Variants in CNTNAP5 observed in about 807,000 individuals in gnomAD.
CNTNAP5 encodes contactin-associated protein-like 5.
Under a neutral mutation model 150.2 loss-of-function variants are expected in CNTNAP5, and 72 were observed. The ratio of observed to expected loss-of-function variants is 0.48; its 90% confidence interval spans 0.40 to 0.58. CNTNAP5 has a LOEUF of 0.58. Among genes scored for constraint, CNTNAP5 ranks in the 20% least tolerant of loss-of-function variants. The probability of loss-of-function intolerance (pLI) is 0.00; values close to 1 mark genes in which losing one functional copy is unlikely to be tolerated. For missense variants in CNTNAP5, 1,636 were observed against 1,626.2 expected, an observed-to-expected ratio of 1.01 and a Z score of -0.10; for synonymous variants, 672 against 619.8, an observed-to-expected ratio of 1.08 and a Z score of -1.25.
At chr2:124,413,624 C>T (rs1435776280) in intron 3 of CNTNAP5, among the ~76,000 whole-genome samples, 8 of 112,706 alleles carry the variant, frequency 7.1e-5, no homozygotes, top group Admixed American at 2.9e-4. Flanking sequence ...AGTAAACTAT[C>T]GCAAGAACAA....
intron 1 of CNTNAP5, among the ~76,000 whole-genome samples, chr2:124,089,143 T>C (rs775331539): frequency 6.6e-6 from 1 of 152,190 alleles, no homozygotes. Context: ...CAATCAGCTT[T>C]GTTCTCTACA....
intron 3 of CNTNAP5, among the ~76,000 whole-genome samples, chr2:124,334,690 G>A (rs1209081598): frequency 1.3e-5 from 2 of 152,086 alleles, no homozygotes; most frequent in African/African-American, 4.8e-5. Flanking sequence ...TTTTGTTTTA[G>A]GTCAGATTTT....
chr2:124,163,606 A>G (rs1684739961), intron 1 of CNTNAP5, among the ~76,000 whole-genome samples: 1 of 152,114 alleles, frequency 6.6e-6, no homozygotes, highest in African/African-American at 2.4e-5. Context: ...TACAAGCAAC[A>G]CTGGCTTTGC....
chr2:124,647,034 T>C (rs1678216966), intron 12 of CNTNAP5, among the ~76,000 whole-genome samples: 1 of 152,204 alleles, frequency 6.6e-6, no homozygotes, highest in Non-Finnish European at 1.5e-5. Context: ...TCTTGGCAGA[T>C]ACAGGCTTCA....
At chr2:124,713,351 C>CTTTCTTTA (rs1679875155) in intron 13 of CNTNAP5, among the ~76,000 whole-genome samples, 1 of 121,438 alleles carries the variant, frequency 8.2e-6, no homozygotes, top group African/African-American at 3.1e-5. Context: ...TTCTTTCTTT[C>CTTTCTTTA]TTTCTTTCTT....
chr2:124,554,081 T>C (rs567608708), intron 10 of CNTNAP5, among the ~76,000 whole-genome samples: 1 of 152,300 alleles, frequency 6.6e-6, no homozygotes, highest in East Asian at 1.9e-4. Flanking sequence ...AAATCCTTGT[T>C]CTTTAAGTTT....
intron 1 of CNTNAP5, among the ~76,000 whole-genome samples, chr2:124,111,278 T>C (rs1346370101): frequency 2.0e-5 from 3 of 152,110 alleles, no homozygotes; most frequent in Admixed American, 2.0e-4. Flanking sequence ...CCAAGACTGC[T>C]GGAAGTCCAT....
chr2:124,499,008 G>A (rs1694214799), intron 7 of CNTNAP5, among the ~76,000 whole-genome samples: 1 of 152,132 alleles, frequency 6.6e-6, no homozygotes, highest in South Asian at 2.1e-4. Flanking sequence ...ACCCAGAAAA[G>A]CATCAGATCT....
intron 1 of CNTNAP5, among the ~76,000 whole-genome samples, chr2:124,161,989 A>C (rs1469533172): frequency 3.3e-5 from 5 of 152,190 alleles, no homozygotes; most frequent in African/African-American, 1.2e-4. Flanking sequence ...AAATAATAAA[A>C]GGAAAAAAGG....
chr2:124,578,003 C>G (rs1696328666), intron 11 of CNTNAP5, among the ~76,000 whole-genome samples: 1 of 151,982 alleles, frequency 6.6e-6, no homozygotes, highest in African/African-American at 2.4e-5. Flanking sequence ...CATTGTTATC[C>G]TGAATTGACC....
intron 3 of CNTNAP5, among the ~76,000 whole-genome samples, chr2:124,353,456 T>C (rs879625630): frequency 1.3e-5 from 2 of 152,080 alleles, no homozygotes; most frequent in Non-Finnish European, 2.9e-5. Context: ...GAATCACACA[T>C]GCTCTGCAAA....
At chr2:124,536,752 G>T (rs1448017776) in intron 10 of CNTNAP5, among the ~76,000 whole-genome samples, 1 of 152,102 alleles carries the variant, frequency 6.6e-6, no homozygotes, top group African/African-American at 2.4e-5. Flanking sequence ...GGAACTTGAA[G>T]AGCAGGTTGG....
intron 3 of CNTNAP5, among the ~76,000 whole-genome samples, chr2:124,365,497 C>G (rs1034141161): frequency 6.6e-6 from 1 of 152,074 alleles, no homozygotes; most frequent in Admixed American, 6.5e-5. Context: ...TTAGAATTTC[C>G]AAATACTTCA....
rs79110227 is a variant in CNTNAP5 at position 124,306,441 on chromosome 2, G to A, written c.381+64048G>A. Among the ~76,000 whole-genome samples the A allele has an allele frequency of 7.4e-4, 112 of 152,274 alleles. 4 individuals are homozygous for A. The East Asian group carries it at 0.021, about 28-fold the overall frequency. ...TAAGTCTATGGAAATTCAGAACTGAGCTCCAAATGGTCAGAGAGTTAATGA... is the reference window on the plus strand; with the variant it reads ...TAAGTCTATGGAAATTCAGAACTGAACTCCAAATGGTCAGAGAGTTAATGA... On this transcript the variant is annotated intron_variant, in intron 3 of 23. Coordinates refer to ENST00000682447, the MANE Select transcript of CNTNAP5 (RefSeq NM_001367498.1).
intron 13 of CNTNAP5, among the ~76,000 whole-genome samples, chr2:124,658,495 CAAA>C (rs370216098): frequency 8.7e-6 from 1 of 115,234 alleles, no homozygotes; most frequent in Non-Finnish European, 1.9e-5. Context: ...ACAAACAAAC[CAAA>C]AAAAAAAAAA....
At chr2:124,415,071 A>T (rs1156787710) in intron 3 of CNTNAP5, among the ~76,000 whole-genome samples, 1 of 152,190 alleles carries the variant, frequency 6.6e-6, no homozygotes, top group East Asian at 1.9e-4. Context: ...CTCCACAGGG[A>T]GGCGTCCTTT....
At chr2:124,475,049 T>A (rs1215133911) in intron 7 of CNTNAP5, among the ~76,000 whole-genome samples, 167 bp downstream of exon 7, 1 of 152,050 alleles carries the variant, frequency 6.6e-6, no homozygotes, top group Non-Finnish European at 1.5e-5. Flanking sequence ...AGATATTGAA[T>A]CTGTGTTAAT....
At chr2:124,491,245 C>G (rs766061874) in intron 7 of CNTNAP5, among the ~76,000 whole-genome samples, 1 of 152,124 alleles carries the variant, frequency 6.6e-6, no homozygotes. Context: ...CTGACAAGTA[C>G]TGTTCTATTC....
intron 14 of CNTNAP5, among the ~76,000 whole-genome samples, chr2:124,762,313 C>T (rs1680975022): frequency 6.6e-6 from 1 of 152,010 alleles, no homozygotes; most frequent in African/African-American, 2.4e-5. Context: ...TATTCATAAT[C>T]AAGATGAATT....
Sources: gnomAD v4.1 joint callset for allele counts (sites outside exome capture counted in the v4.1 genomes callset) on GRCh38, gnomAD v4.1.1 for gene constraint, MANE v1.5 for transcripts, NCBI Gene and HGNC (gene_info 2026-07-23, HGNC 2026-07-21) for gene names.